The following PARD3 variants were observed in gnomAD, a reference collection of about 807,000 sequenced individuals.
The protein encoded by PARD3 is partitioning defective 3 homolog.
In PARD3, 75 loss-of-function variants were observed where a neutral mutation model predicts 155.4. The ratio of observed to expected loss-of-function variants is 0.48; its 90% CI spans 0.40 to 0.58. The LOEUF (loss-of-function observed/expected upper bound fraction) is 0.58. Ranked by LOEUF, PARD3 falls within the 20% of genes least tolerant of loss-of-function variation. The pLI, the probability that PARD3 is intolerant of heterozygous loss-of-function variation, is 0.00. For missense variants in PARD3, 1,642 were observed against 1,721.7 expected (o/e 0.95, Z 0.82); for synonymous variants, 576 against 610.5 (o/e 0.94, Z 0.83).
intron 1 of PARD3, among the ~76,000 whole-genome samples, chr10:34,748,378 A>G (rs1484818638): frequency 1.3e-5 from 2 of 152,144 alleles, no homozygotes; most frequent in Non-Finnish European, 2.9e-5. Context: ...GCTGAGGCAC[A>G]AGAATCGATT....
chr10:34,493,976 C>G (rs1394151835), intron 3 of PARD3, among the ~76,000 whole-genome samples: 1 of 152,128 alleles, frequency 6.6e-6, no homozygotes, highest in African/African-American at 2.4e-5. Context: ...CTGAATCTGG[C>G]CATAATACTC....
chr10:34,599,422 C>T (rs1280487157), intron 2 of PARD3, among the ~76,000 whole-genome samples: 1 of 152,160 alleles, frequency 6.6e-6, no homozygotes. Context: ...CAATTCCACT[C>T]ATTGGAAGAT....
intron 2 of PARD3, among the ~76,000 whole-genome samples, chr10:34,673,178 A>AT (rs1188203354): frequency 2.0e-5 from 3 of 152,222 alleles, no homozygotes; most frequent in Non-Finnish European, 4.4e-5. Context: ...ACACTGCATG[A>AT]TATTTCCTTA....
chr10:34,814,951 C>T lies in PARD3; in HGVS notation c.45G>A (p.Pro15=). ...AAACTTTCATGTGGCCGTCCCCGCACGGCACGACCACCCGGGTCCGTCCGA... is the reference window on the plus strand; with the variant it reads ...AAACTTTCATGTGGCCGTCCCCGCATGGCACGACCACCCGGGTCCGTCCGA... ...VCFGRTRVVV[P]CGDGHMKVFS... Residue 15 remains proline (P), a synonymous_variant, in exon 1 of 25, where the codon CCG becomes CCA. Coordinates refer to ENST00000374788, the MANE Select transcript of PARD3 (RefSeq NM_001184785.2). The T allele has an allele frequency of 1.3e-6, 2 of 1,563,898 alleles. No homozygotes were observed. The highest frequency in any genetic ancestry group is 1.7e-6 in the Non-Finnish European group (2 of 1,157,290).
chr10:34,698,111 C>T (rs1244719775), intron 1 of PARD3, among the ~76,000 whole-genome samples: 1 of 152,090 alleles, frequency 6.6e-6, no homozygotes, highest in East Asian at 1.9e-4. Context: ...ACTTAAATAT[C>T]AACTTTCGTT....
At chr10:34,676,808 A>G (rs2093716541) in intron 2 of PARD3, among the ~76,000 whole-genome samples, 1 of 152,212 alleles carries the variant, frequency 6.6e-6, no homozygotes, top group Admixed American at 6.5e-5. Flanking sequence ...CACCACCCTC[A>G]GGTTCAAGCA....
At chr10:34,667,825 T>C (rs1199983580) in intron 2 of PARD3, among the ~76,000 whole-genome samples, 1 of 152,226 alleles carries the variant, frequency 6.6e-6, no homozygotes, top group Non-Finnish European at 1.5e-5. Flanking sequence ...AATATTGTGA[T>C]GACATTATTA....
chr10:34,470,025 C>T (rs2078252415), intron 4 of PARD3, 60 bp downstream of exon 4: 1 of 1,382,204 alleles, frequency 7.2e-7, no homozygotes, highest in Non-Finnish European at 9.8e-7. Flanking sequence ...CGACACTCAT[C>T]ACGGACACCA....
At chr10:34,263,102 C>G (rs1018093279) in intron 22 of PARD3, among the ~76,000 whole-genome samples, 1 of 152,240 alleles carries the variant, frequency 6.6e-6, no homozygotes, top group Non-Finnish European at 1.5e-5. Context: ...TTATTGATTT[C>G]AATTTCATTC....
chr10:34,434,582 G>A (rs539783762), intron 5 of PARD3, among the ~76,000 whole-genome samples: 1 of 152,154 alleles, frequency 6.6e-6, no homozygotes, highest in African/African-American at 2.4e-5. Context: ...CAGTGCTCCT[G>A]ACCACACATC....
chr10:34,606,422 C>T (rs905177327), intron 2 of PARD3, among the ~76,000 whole-genome samples: 1 of 151,790 alleles, frequency 6.6e-6, no homozygotes, highest in Non-Finnish European at 1.5e-5. Flanking sequence ...AATCTGCATG[C>T]TGTGGAGCAT....
chr10:34,579,554 C>CTCTGTGTG (rs1554775574), intron 2 of PARD3, among the ~76,000 whole-genome samples: 183 of 122,560 alleles, frequency 1.5e-3, no homozygotes, highest in African/African-American at 4.9e-3. Flanking sequence ...ACCATTTTCT[C>CTCTGTGTG]TGTGTGTGTG....
intron 1 of PARD3, among the ~76,000 whole-genome samples, chr10:34,812,623 A>G (rs4934670): frequency 0.33 from 49,765 of 152,018 alleles, 9,055 homozygotes; most frequent in African/African-American, 0.5. Flanking sequence ...GGCAACATTT[A>G]AGGGTCAACA....
intron 3 of PARD3, among the ~76,000 whole-genome samples, chr10:34,513,984 T>C (rs1244091562): frequency 1.3e-5 from 2 of 152,214 alleles, no homozygotes; most frequent in East Asian, 3.9e-4. Flanking sequence ...GAGTTCTCTC[T>C]GTATTTTCTA....
intron 1 of PARD3, among the ~76,000 whole-genome samples, chr10:34,746,874 G>A (rs1048374586): frequency 2.6e-5 from 4 of 152,138 alleles, no homozygotes; most frequent in Non-Finnish European, 5.9e-5. Flanking sequence ...GACAGCTGGA[G>A]AACAATCTTT....
At chr10:34,453,258 C>T (rs1431890550) in intron 4 of PARD3, among the ~76,000 whole-genome samples, 2 of 152,200 alleles carry the variant, frequency 1.3e-5, no homozygotes, top group Non-Finnish European at 2.9e-5. Context: ...CCAGTTCAAA[C>T]GCTATTTTCT....
At chr10:34,472,833 C>T (rs1409532683) in intron 3 of PARD3, among the ~76,000 whole-genome samples, 1 of 152,152 alleles carries the variant, frequency 6.6e-6, no homozygotes, top group Non-Finnish European at 1.5e-5. Context: ...GCTTGCCCTA[C>T]TTGTGTTTGA....
intron 2 of PARD3, among the ~76,000 whole-genome samples, chr10:34,623,743 G>A (rs936007628): frequency 2.7e-5 from 4 of 150,080 alleles, no homozygotes; most frequent in Non-Finnish European, 4.5e-5. Context: ...CACTTTGGGA[G>A]GACGAAGTGG....
intron 3 of PARD3, among the ~76,000 whole-genome samples, chr10:34,489,400 C>T (rs2079724080): frequency 1.3e-5 from 2 of 152,124 alleles, no homozygotes; most frequent in South Asian, 4.2e-4. Context: ...CGGATGCTGC[C>T]GGAAGTTGAA....
Sources: gnomAD v4.1 joint callset for allele counts (sites outside exome capture counted in the v4.1 genomes callset) on GRCh38, gnomAD v4.1.1 for gene constraint, MANE v1.5 for transcripts, NCBI Gene and HGNC (gene_info 2026-07-23, HGNC 2026-07-21) for gene names.